The following PLCB4 variants were observed in gnomAD, a reference collection of about 807,000 sequenced individuals.
PLCB4 encodes the protein 1-phosphatidylinositol 4,5-bisphosphate phosphodiesterase beta-4.
In PLCB4, 77 loss-of-function variants were observed where a neutral mutation model predicts 178.8. That is an observed-to-expected ratio of 0.43 (90% CI 0.36 to 0.52). PLCB4 has a LOEUF of 0.52. PLCB4 is among the 20% of genes least tolerant of loss of function. The pLI is 0.00. For missense variants in PLCB4, 1,024 were observed against 1,453.4 expected (o/e 0.70, Z 4.80); for synonymous variants, 496 against 490.8 (o/e 1.01, Z -0.14).
chr20:9,293,519 A>AGAAG (rs1443935281), intron 3 of PLCB4, among the ~76,000 whole-genome samples: 1 of 151,970 alleles, frequency 6.6e-6, no homozygotes, highest in African/African-American at 2.4e-5. Flanking sequence ...AAGGAAAGAA[A>AGAAG]GAAGGAAGGA....
At chr20:9,270,295 T>G (rs1164940572) in intron 3 of PLCB4, among the ~76,000 whole-genome samples, 1 of 152,160 alleles carries the variant, frequency 6.6e-6, no homozygotes, top group Admixed American at 6.6e-5. Flanking sequence ...GAACAGTGTC[T>G]TTACTCCAAA....
At chr20:9,127,243 C>T (rs2092139565) in intron 2 of PLCB4, among the ~76,000 whole-genome samples, 1 of 152,016 alleles carries the variant, frequency 6.6e-6, no homozygotes, top group South Asian at 2.1e-4. Flanking sequence ...GGTCCGGGAG[C>T]CTGAGACTCT....
intron 2 of PLCB4, among the ~76,000 whole-genome samples, chr20:9,143,013 G>A (rs2092525490): frequency 1.3e-5 from 2 of 152,072 alleles, no homozygotes; most frequent in Admixed American, 1.3e-4. Context: ...GCTGCCCCAG[G>A]GCCTTTGCAC....
At chr20:9,456,255 A>C (rs1484680829) in intron 33 of PLCB4, among the ~76,000 whole-genome samples, 2 of 152,112 alleles carry the variant, frequency 1.3e-5, no homozygotes, top group Non-Finnish European at 2.9e-5. Context: ...GTTTCCCCTT[A>C]CTCTTACCTA....
chr20:9,141,741 A>G lies in PLCB4; in HGVS notation c.-79+45399A>G, dbSNP rs533762403. On this transcript the variant is annotated intron_variant, in intron 2 of 39. Transcript: ENST00000378473. ...TATGACATGAGGTCCCAGTGCAACA[A>G]TCAGATAAGAAGGGAATAATAGGAA... Among the ~76,000 whole-genome samples the G allele has an allele frequency of 1.7e-4, 26 of 152,206 alleles. 1 individual carries two copies. The highest frequency in any genetic ancestry group is 5.8e-4 in the African/African-American group (24 of 41,542).
At chr20:9,416,091 AT>A (rs1470439356) in intron 25 of PLCB4, among the ~76,000 whole-genome samples, 2 of 152,208 alleles carry the variant, frequency 1.3e-5, no homozygotes, top group African/African-American at 4.8e-5. Context: ...AGTATACAAA[AT>A]GAACCCATTT....
At chr20:9,465,395 A>C (rs1398446473) in intron 35 of PLCB4, among the ~76,000 whole-genome samples, 4 of 152,220 alleles carry the variant, frequency 2.6e-5, no homozygotes, top group Admixed American at 2.6e-4. Context: ...GCCCTCTGTC[A>C]CCACTCCTAT....
intron 7 of PLCB4, among the ~76,000 whole-genome samples, chr20:9,345,239 A>C (rs1406293282): frequency 6.6e-6 from 1 of 152,194 alleles, no homozygotes; most frequent in East Asian, 1.9e-4. Context: ...ATTTTTTTCT[A>C]AACTGAAATA....
intron 13 of PLCB4, among the ~76,000 whole-genome samples, chr20:9,381,681 C>T (rs970606450): frequency 2.6e-5 from 4 of 152,188 alleles, no homozygotes; most frequent in Non-Finnish European, 5.9e-5. Flanking sequence ...CTGTCATTTT[C>T]AAGTGTGGGT....
intron 2 of PLCB4, among the ~76,000 whole-genome samples, chr20:9,141,960 A>G (rs1170803174): frequency 6.6e-6 from 1 of 152,122 alleles, no homozygotes; most frequent in Non-Finnish European, 1.5e-5. Flanking sequence ...CACCAAAGGC[A>G]GTGAAGGTAT....
At chr20:9,302,249 C>T (rs978023683) in intron 3 of PLCB4, among the ~76,000 whole-genome samples, 1 of 151,656 alleles carries the variant, frequency 6.6e-6, no homozygotes, top group African/African-American at 2.4e-5. Flanking sequence ...TATAGGGTGG[C>T]CAGTTCCTCC....
At chr20:9,315,005 G>A (rs1321740332) in intron 4 of PLCB4, among the ~76,000 whole-genome samples, 2 of 152,000 alleles carry the variant, frequency 1.3e-5, no homozygotes, top group Non-Finnish European at 2.9e-5. Flanking sequence ...CCAAGTATCT[G>A]GGATTACAAG....
At chr20:9,108,067 T>C (rs981679800) in intron 2 of PLCB4, among the ~76,000 whole-genome samples, 1 of 152,142 alleles carries the variant, frequency 6.6e-6, no homozygotes, top group Non-Finnish European at 1.5e-5. Context: ...TTTGCTAGAA[T>C]GGGGAAGACT....
chr20:9,468,339 C>T (rs1386620834), intron 35 of PLCB4, among the ~76,000 whole-genome samples: 1 of 151,910 alleles, frequency 6.6e-6, no homozygotes, highest in Non-Finnish European at 1.5e-5. Flanking sequence ...TTGCTATAAA[C>T]AGAAGTATTT....
At chr20:9,465,771 A>G (rs556094776) in intron 35 of PLCB4, among the ~76,000 whole-genome samples, 10 of 152,344 alleles carry the variant, frequency 6.6e-5, no homozygotes, top group African/African-American at 2.4e-4. Context: ...ACCACTGCTC[A>G]ATGAAATAAA....
chr20:9,197,025 A>G (rs542741845), intron 2 of PLCB4, among the ~76,000 whole-genome samples: 4 of 152,352 alleles, frequency 2.6e-5, no homozygotes, highest in South Asian at 2.1e-4. Flanking sequence ...AATATTTTCC[A>G]CAAATGTGAC....
intron 2 of PLCB4, among the ~76,000 whole-genome samples, chr20:9,142,598 C>A (rs1022848341): frequency 2.0e-5 from 3 of 152,100 alleles, no homozygotes; most frequent in Non-Finnish European, 2.9e-5. Flanking sequence ...TCTAATTCAA[C>A]AGTAAATTAT....
At chr20:9,205,132 T>G (rs1285109834) in intron 2 of PLCB4, among the ~76,000 whole-genome samples, 1 of 152,204 alleles carries the variant, frequency 6.6e-6, no homozygotes, top group East Asian at 1.9e-4. Flanking sequence ...GCATATGTAA[T>G]GAGTTTCTCT....
intron 3 of PLCB4, among the ~76,000 whole-genome samples, chr20:9,285,257 C>T (rs1195084918): frequency 6.6e-6 from 1 of 151,688 alleles, no homozygotes; most frequent in African/African-American, 2.4e-5. Flanking sequence ...GGCAAACCAG[C>T]CTTGTTATGA....
Sources: allele counts gnomAD v4.1 joint callset (sites outside exome capture counted in the v4.1 genomes callset), GRCh38; gene constraint gnomAD v4.1.1; transcripts MANE v1.5; gene names NCBI Gene and HGNC (gene_info 2026-07-23, HGNC 2026-07-21).